Variants in TPD52L1 observed in about 807,000 individuals in gnomAD.
TPD52L1 encodes the protein tumor protein D53.
TPD52L1 carries 18 observed loss-of-function variants against 28.7 expected under a neutral mutation model. That is an observed-to-expected ratio of 0.63 (90% CI 0.43 to 0.93). The LOEUF (loss-of-function observed/expected upper bound fraction) is 0.93. TPD52L1 is among the 40% of genes least tolerant of loss of function. TPD52L1 has a pLI of 0.00. For missense variants in TPD52L1, 203 were observed against 254.8 expected (o/e 0.80, Z 1.39); for synonymous variants, 75 against 88.8 (o/e 0.84, Z 0.88).
At position 125,206,524 on chromosome 6, in the gene TPD52L1, G is replaced by C. The variant is rs1177148818; in HGVS notation, c.20-13554G>C. Among the ~76,000 whole-genome samples the C allele has an allele frequency of 4.6e-5, 7 of 152,244 alleles. No homozygotes were observed. In the South Asian group the frequency reaches 1.0e-3, roughly 23 times the overall value. The stretch of plus-strand genomic sequence containing the variant: ...AGAGGAAAAAGAGGTTTTCTAGAGT[G>C]ACAGATGGCACTAAAAGCTAGGACT... On this transcript the variant is annotated intron_variant, in intron 1 of 6. Transcript: ENST00000534000.
chr6:125,221,352 CAT>C (rs1261541955), intron 2 of TPD52L1, among the ~76,000 whole-genome samples: 6 of 152,188 alleles, frequency 3.9e-5, no homozygotes, highest in African/African-American at 1.2e-4. Context: ...ACTGACTCCA[CAT>C]ATTCTTATGG....
chr6:125,227,537 A>G (rs1795687341), intron 2 of TPD52L1, among the ~76,000 whole-genome samples: 1 of 152,222 alleles, frequency 6.6e-6, no homozygotes, highest in African/African-American at 2.4e-5. Context: ...TTTTTAAAAA[A>G]AATTTAGTAA....
At chr6:125,228,975 G>C (rs61098798) in intron 2 of TPD52L1, 143 bp from the exon 3 acceptor site, 29,071 of 657,024 alleles carry the variant, frequency 0.044, 803 homozygotes, top group East Asian at 0.098. Context: ...ACTATCATCT[G>C]TATGGGGTGT....
At chr6:125,235,420 T>A (rs1312713613) in intron 3 of TPD52L1, among the ~76,000 whole-genome samples, 2 of 151,950 alleles carry the variant, frequency 1.3e-5, no homozygotes, top group African/African-American at 4.8e-5. Flanking sequence ...AAAAAAAAGT[T>A]GCAAAAAATA....
chr6:125,197,384 A>G (rs1040018015), intron 1 of TPD52L1, among the ~76,000 whole-genome samples: 4 of 152,220 alleles, frequency 2.6e-5, no homozygotes, highest in Non-Finnish European at 5.9e-5. Context: ...TCAAGCAGGT[A>G]TCCAGTGAGT....
chr6:125,178,408 G>A (rs1791951683), intron 1 of TPD52L1, among the ~76,000 whole-genome samples: 1 of 151,990 alleles, frequency 6.6e-6, no homozygotes, highest in South Asian at 2.1e-4. Context: ...GGATCACAAG[G>A]TCAGGAGTTC....
At chr6:125,255,993 T>C (rs1264984720) in intron 5 of TPD52L1, among the ~76,000 whole-genome samples, 1 of 152,210 alleles carries the variant, frequency 6.6e-6, no homozygotes, top group African/African-American at 2.4e-5. Flanking sequence ...ATGAAGTTTT[T>C]AGTGCTTAAA....
At chr6:125,221,992 A>T (rs1378351486) in intron 2 of TPD52L1, 26 of 152,154 alleles carry the variant, frequency 1.7e-4, no homozygotes, top group Admixed American at 1.7e-3. Flanking sequence ...GCCTGGTGAA[A>T]AGCAGAGAAA....
intron 2 of TPD52L1, among the ~76,000 whole-genome samples, chr6:125,224,901 AT>A (rs1296591374): frequency 1.3e-5 from 2 of 152,324 alleles, no homozygotes; most frequent in East Asian, 3.9e-4. Flanking sequence ...AAACTTATCC[AT>A]TTTAAAGTGA....
rs139076911 is a variant in TPD52L1 at position 125,237,453 on chromosome 6, A to C, written c.284+8187A>C. Among the ~76,000 whole-genome samples, 38 of 152,290 alleles carry C rather than the reference A, an allele frequency of 2.5e-4. No individual in the cohort carries two copies. In the East Asian group the frequency reaches 7.2e-3, roughly 29 times the overall value. On this transcript the variant is annotated intron_variant, in intron 3 of 6. Coordinates refer to ENST00000534000, the MANE Select transcript of TPD52L1 (RefSeq NM_003287.4). ...CCTGATGAATTTGATTTGGAGAATG[A>C]AAGAAACAGAAAGGTTAAAGATGAT...
intron 1 of TPD52L1, among the ~76,000 whole-genome samples, chr6:125,183,892 A>G (rs910293663): frequency 2.6e-5 from 4 of 152,230 alleles, no homozygotes; most frequent in Admixed American, 1.3e-4. Context: ...TTCTTGATAC[A>G]GAAGAGACAT....
At chr6:125,242,876 CTTGTTT>C (rs1044489251) in intron 3 of TPD52L1, among the ~76,000 whole-genome samples, 15 of 151,786 alleles carry the variant, frequency 9.9e-5, no homozygotes, top group Non-Finnish European at 1.5e-5. Context: ...TCATTTTGTT[CTTGTTT>C]TATAGGTCCT....
chr6:125,200,454 G>T (rs890002102), intron 1 of TPD52L1, among the ~76,000 whole-genome samples: 2 of 152,120 alleles, frequency 1.3e-5, no homozygotes, highest in East Asian at 3.8e-4. Context: ...TCATTTATCT[G>T]CAGAGCAAGT....
chr6:125,165,970 T>G (rs1481528339), intron 1 of TPD52L1, among the ~76,000 whole-genome samples: 2 of 152,212 alleles, frequency 1.3e-5, no homozygotes, highest in Non-Finnish European at 2.9e-5. Flanking sequence ...ATCTGCGTGC[T>G]TGTTTCCAGA....
intron 1 of TPD52L1, among the ~76,000 whole-genome samples, chr6:125,193,211 T>G (rs1369981608): frequency 6.6e-6 from 1 of 152,132 alleles, no homozygotes; most frequent in African/African-American, 2.4e-5. Context: ...ATTTTCAAGT[T>G]GGGGGGATGG....
intron 1 of TPD52L1, among the ~76,000 whole-genome samples, chr6:125,166,287 A>G (rs1790895424): frequency 6.6e-6 from 1 of 152,204 alleles, no homozygotes; most frequent in African/African-American, 2.4e-5. Flanking sequence ...CTAATAGCTC[A>G]TTGTCTATAA....
intron 3 of TPD52L1, among the ~76,000 whole-genome samples, chr6:125,237,831 T>A (rs1377699492): frequency 6.6e-6 from 1 of 151,562 alleles, no homozygotes; most frequent in Non-Finnish European, 1.5e-5. Flanking sequence ...TGTTTTGTTT[T>A]GCTTTTTTAG....
At chr6:125,181,076 A>C (rs1792166257) in intron 1 of TPD52L1, among the ~76,000 whole-genome samples, 1 of 152,228 alleles carries the variant, frequency 6.6e-6, no homozygotes, top group Non-Finnish European at 1.5e-5. Flanking sequence ...TTTCTCTTTA[A>C]GATCTGGAAA....
At chr6:125,210,613 C>T (rs944819879) in intron 1 of TPD52L1, among the ~76,000 whole-genome samples, 11 of 152,194 alleles carry the variant, frequency 7.2e-5, no homozygotes, top group Non-Finnish European at 7.4e-5. Flanking sequence ...CGGGTGGCAC[C>T]ACAGTGAAAT....
Sources: gnomAD v4.1 joint callset for allele counts (sites outside exome capture counted in the v4.1 genomes callset) on GRCh38, gnomAD v4.1.1 for gene constraint, MANE v1.5 for transcripts, NCBI Gene and HGNC (gene_info 2026-07-23, HGNC 2026-07-21) for gene names.